ADAMTS16: variants seen among roughly 807,000 people sequenced by gnomAD.
ADAMTS16 encodes A disintegrin and metalloproteinase with thrombospondin motifs 16.
In ADAMTS16, 94 loss-of-function variants were observed where a neutral mutation model predicts 145.8. The ratio of observed to expected loss-of-function variants is 0.64; its 90% CI spans 0.55 to 0.77. The LOEUF is 0.77. ADAMTS16 is among the 30% of genes least tolerant of loss of function. ADAMTS16 has a pLI of 0.00. For missense variants in ADAMTS16, 1,585 were observed against 1,591.5 expected (o/e 1.00, Z 0.07); for synonymous variants, 659 against 604.3 (o/e 1.09, Z -1.33).
chr5:5,284,229 C>T (rs1739032740), intron 18 of ADAMTS16, among the ~76,000 whole-genome samples: 1 of 152,176 alleles, frequency 6.6e-6, no homozygotes, highest in African/African-American at 2.4e-5. Flanking sequence ...CCATAAAGAC[C>T]TTCACAGGCA....
chr5:5,314,723 G>C (rs1733963193), intron 21 of ADAMTS16, among the ~76,000 whole-genome samples: 1 of 152,116 alleles, frequency 6.6e-6, no homozygotes, highest in African/African-American at 2.4e-5. Context: ...AAAACTCTCT[G>C]GACTAGTGCT....
intron 3 of ADAMTS16, among the ~76,000 whole-genome samples, chr5:5,149,302 T>C (rs1734388982): frequency 6.6e-6 from 1 of 152,110 alleles, no homozygotes; most frequent in African/African-American, 2.4e-5. Flanking sequence ...GAGATCTGTT[T>C]GTGGTCACCA....
intron 18 of ADAMTS16, among the ~76,000 whole-genome samples, chr5:5,290,938 C>T (rs571987284): frequency 5.8e-4 from 89 of 152,214 alleles, no homozygotes; most frequent in African/African-American, 2.0e-3. Context: ...ACTGAGATGG[C>T]GTTCACTTTC....
chr5:5,264,187 C>T (rs531489212), intron 18 of ADAMTS16, among the ~76,000 whole-genome samples: 2 of 152,152 alleles, frequency 1.3e-5, no homozygotes, highest in South Asian at 2.1e-4. Context: ...CGGAAGAGAG[C>T]AGGCAAACAG....
intron 10 of ADAMTS16, among the ~76,000 whole-genome samples, chr5:5,219,718 T>C (rs1341111839): frequency 6.6e-6 from 1 of 152,206 alleles, no homozygotes; most frequent in Non-Finnish European, 1.5e-5. Context: ...GGTCCCAAAA[T>C]GAGGCTGAAA....
Position 5,186,076 on chromosome 5 carries a change from A to G in ADAMTS16, c.788A>G (p.Asp263Gly), listed in dbSNP as rs752118719. ...GACATGCCCCAGCCTCCCAAGGAAG[A>G]CCTCTTCATCTTGCCAGATGAGTAT... ...KKYMPQPPKE[D>G]LFILPDEYKS... Residue 263 changes from aspartate to glycine, a missense_variant, in exon 5 of 23, where the codon GAC becomes GGC. Asp to Gly is a moderately conservative substitution (Grantham distance 94). Coordinates refer to ENST00000274181, the MANE Select transcript of ADAMTS16 (RefSeq NM_139056.4). 86 of 1,613,692 alleles carry G rather than the reference A, an allele frequency of 5.3e-5. No homozygotes were observed. Among genetic ancestry groups the G allele is most frequent in the Non-Finnish European group, 6.9e-5 (82 of 1,179,964 alleles).
chr5:5,272,617 G>A lies in ADAMTS16; in HGVS notation c.2789+9834G>A, dbSNP rs973385493. ...CCTGACCTGGTGATCCGCCTGCCTC[G>A]GCCTCCCAAAGTGCTGGGATTACAG... is the stretch of plus-strand genomic sequence containing the variant. On this transcript the variant is annotated intron_variant, in intron 18 of 22. Transcript: ENST00000274181. Among the ~76,000 whole-genome samples, 4 of 151,938 alleles carry A rather than the reference G, an allele frequency of 2.6e-5. No individual in the cohort carries two copies. The Middle Eastern group carries it at 0.01, about 388-fold the overall frequency.
In ADAMTS16 at chr5:5,319,741, C is replaced by T. The variant is rs1265144148; in HGVS notation, c.*603C>T. ...CCGGAGCCAGCGTCATCTCTAGGGT[C>T]ACTGGCCAGGGGACTGCATTCTGGT... On this transcript the variant is annotated 3_prime_UTR_variant, in exon 23 of 23. Transcript: ENST00000274181. 2.5e-6 allele frequency: 1 copy of T among 396,440 alleles called. No homozygotes were observed. Among genetic ancestry groups the T allele is most frequent in the Admixed American group, 3.1e-5 (1 of 31,960 alleles). 24.6% of individuals were successfully genotyped at this position (396,440 alleles called of 1,614,324 possible).
At chr5:5,143,291 AAAC>A (rs1734212695) in intron 2 of ADAMTS16, among the ~76,000 whole-genome samples, 1 of 152,224 alleles carries the variant, frequency 6.6e-6, no homozygotes, top group Non-Finnish European at 1.5e-5. Flanking sequence ...AGAAAAAAAC[AAAC>A]AACCCCATCA....
intron 9 of ADAMTS16, among the ~76,000 whole-genome samples, chr5:5,208,880 C>G (rs1361371474): frequency 6.6e-6 from 1 of 152,050 alleles, no homozygotes; most frequent in Non-Finnish European, 1.5e-5. Flanking sequence ...GGAACAGGTA[C>G]AATGTATAAT....
intron 3 of ADAMTS16, among the ~76,000 whole-genome samples, chr5:5,149,727 C>T (rs1324998009): frequency 6.6e-6 from 1 of 152,152 alleles, no homozygotes; most frequent in African/African-American, 2.4e-5. Flanking sequence ...CTCACTTCCC[C>T]TAATTTCCCC....
intron 7 of ADAMTS16, 56 bp downstream of exon 7, chr5:5,190,186 T>C: frequency 6.7e-7 from 1 of 1,489,488 alleles, no homozygotes; most frequent in Admixed American, 2.4e-5. Flanking sequence ...CCCCTGGCCG[T>C]GACACAGTGT....
intron 3 of ADAMTS16, among the ~76,000 whole-genome samples, chr5:5,164,512 T>G (rs1445981864): frequency 6.6e-6 from 1 of 152,158 alleles, no homozygotes; most frequent in African/African-American, 2.4e-5. Flanking sequence ...GTTAGACTGA[T>G]TCTCTTCCAA....
At chr5:5,300,670 C>T (rs1286272203) in intron 18 of ADAMTS16, among the ~76,000 whole-genome samples, 8 of 152,134 alleles carry the variant, frequency 5.3e-5, no homozygotes, top group South Asian at 2.1e-4. Context: ...GGGTTTGGGG[C>T]GGGATCAATT....
intron 12 of ADAMTS16, among the ~76,000 whole-genome samples, chr5:5,233,182 G>A (rs1412999707): frequency 4.1e-5 from 6 of 147,008 alleles, no homozygotes; most frequent in African/African-American, 1.5e-4. Context: ...TAAGAACAAT[G>A]GTTTTACGTG....
intron 18 of ADAMTS16, among the ~76,000 whole-genome samples, chr5:5,278,326 C>T (rs1246439133): frequency 1.3e-5 from 2 of 152,132 alleles, no homozygotes; most frequent in Non-Finnish European, 2.9e-5. Flanking sequence ...AAAGATTATC[C>T]TATTATCCAT....
At chr5:5,170,092 A>G (rs1735005528) in intron 3 of ADAMTS16, among the ~76,000 whole-genome samples, 1 of 152,102 alleles carries the variant, frequency 6.6e-6, no homozygotes, top group Non-Finnish European at 1.5e-5. Context: ...ATCCTATGGT[A>G]GCTCTATTTT....
intron 9 of ADAMTS16, among the ~76,000 whole-genome samples, chr5:5,202,697 C>T (rs1347431727): frequency 2.0e-5 from 3 of 152,172 alleles, no homozygotes; most frequent in Non-Finnish European, 2.9e-5. Flanking sequence ...ATTTTTTAAA[C>T]CTCTTTTTCA....
At chr5:5,150,749 C>G (rs1181041824) in intron 3 of ADAMTS16, among the ~76,000 whole-genome samples, 1 of 152,148 alleles carries the variant, frequency 6.6e-6, no homozygotes, top group African/African-American at 2.4e-5. Context: ...CTCAGTTGGT[C>G]CATAGTCATC....
Sources: gnomAD v4.1 joint callset for allele counts (sites outside exome capture counted in the v4.1 genomes callset) on GRCh38, gnomAD v4.1.1 for gene constraint, MANE v1.5 for transcripts, NCBI Gene and HGNC (gene_info 2026-07-23, HGNC 2026-07-21) for gene names.